The following SERGEF variants were observed in gnomAD, a reference collection of about 807,000 sequenced individuals.
SERGEF encodes the protein secretion-regulating guanine nucleotide exchange factor.
In SERGEF, 51 loss-of-function variants were observed where a neutral mutation model predicts 50.0. The ratio of observed to expected loss-of-function variants is 1.02; its 90% CI spans 0.81 to 1.29. The LOEUF is 1.29. Among genes scored for constraint, SERGEF ranks in the 50% most tolerant of loss-of-function variants. The probability of loss-of-function intolerance (pLI) is 0.00; values close to 1 mark genes in which losing one functional copy is unlikely to be tolerated. For missense variants in SERGEF, 521 were observed against 557.0 expected (o/e 0.94, Z 0.65); for synonymous variants, 205 against 212.4 (o/e 0.97, Z 0.30).
chr11:17,795,316 A>G (rs1397335920), intron 10 of SERGEF, among the ~76,000 whole-genome samples: 6 of 152,146 alleles, frequency 3.9e-5, no homozygotes, highest in Non-Finnish European at 8.8e-5. Flanking sequence ...TCCTGCTGTG[A>G]GCAAGGAATG....
At chr11:17,942,232 C>G (rs1441842552) in intron 9 of SERGEF, among the ~76,000 whole-genome samples, 2 of 152,150 alleles carry the variant, frequency 1.3e-5, no homozygotes, top group East Asian at 3.8e-4. Flanking sequence ...ATTGAGTTTT[C>G]CAATCTGTGA....
chr11:17,981,102 T>C (rs1167951358), intron 8 of SERGEF, among the ~76,000 whole-genome samples: 6 of 152,220 alleles, frequency 3.9e-5, no homozygotes, highest in African/African-American at 9.6e-5. Context: ...CTCCTTCCCC[T>C]GAAATCCTAG....
chr11:18,011,951 T>G (rs771478569), intron 1 of SERGEF, among the ~76,000 whole-genome samples: 1 of 152,176 alleles, frequency 6.6e-6, no homozygotes, highest in African/African-American at 2.4e-5. Context: ...ATTGGACAAC[T>G]AATACTGATT....
At chr11:17,854,279 T>G (rs1396584013) in intron 10 of SERGEF, among the ~76,000 whole-genome samples, 7 of 152,114 alleles carry the variant, frequency 4.6e-5, no homozygotes, top group African/African-American at 1.7e-4. Context: ...GAGCTGAAAG[T>G]TTTCATTCCA....
At chr11:18,001,529 T>C (rs1853961762) in intron 4 of SERGEF, among the ~76,000 whole-genome samples, 1 of 152,206 alleles carries the variant, frequency 6.6e-6, no homozygotes, top group African/African-American at 2.4e-5. Context: ...TTTGTTTATT[T>C]ACAGGTCCAC....
rs1854235014 is a variant in SERGEF, at chr11:18,013,016, G to A, written c.-6C>T. 1 of 1,381,664 alleles carries A rather than the reference G, an allele frequency of 7.2e-7. No individual in the cohort carries two copies. Among genetic ancestry groups the A allele is most frequent in the South Asian group, 1.7e-5 (1 of 60,078 alleles). 85.6% of individuals were successfully genotyped at this position (1,381,664 alleles called of 1,614,324 possible). On this transcript the variant is annotated 5_prime_UTR_variant, in exon 1 of 11. Transcript: ENST00000265965. The surrounding 1 kb of genome is among the most constrained non-coding windows in gnomAD (Gnocchi z 4.3). ...GCGCTGGGCTCGCGCTCCATGCGAG[G>A]ACGCTCCGCCGGCGCTTCCGGGAGG...
intron 9 of SERGEF, among the ~76,000 whole-genome samples, chr11:17,954,141 G>A (rs747238634): frequency 1.8e-4 from 28 of 152,198 alleles, no homozygotes; most frequent in Non-Finnish European, 3.4e-4. Flanking sequence ...CAATGATGCT[G>A]TGGGTACTTA....
At chr11:17,854,613 C>T (rs1447500958) in intron 10 of SERGEF, among the ~76,000 whole-genome samples, 2 of 152,170 alleles carry the variant, frequency 1.3e-5, no homozygotes, top group East Asian at 3.8e-4. Context: ...GACAGTTTGC[C>T]CTGTGGATTT....
chr11:17,798,112 C>T (rs1365361308), intron 10 of SERGEF, among the ~76,000 whole-genome samples: 1 of 152,170 alleles, frequency 6.6e-6, no homozygotes, highest in Non-Finnish European at 1.5e-5. Context: ...AAAAGAAAGG[C>T]CTTGGCTCAA....
intron 8 of SERGEF, among the ~76,000 whole-genome samples, chr11:17,971,841 G>A (rs1234119772): frequency 6.6e-6 from 1 of 152,212 alleles, no homozygotes; most frequent in Non-Finnish European, 1.5e-5. Flanking sequence ...ATTCTGGAAA[G>A]GATTCATCAT....
At chr11:18,007,690 T>C (rs1854106953) in intron 2 of SERGEF, among the ~76,000 whole-genome samples, 1 of 152,186 alleles carries the variant, frequency 6.6e-6, no homozygotes, top group Non-Finnish European at 1.5e-5. Context: ...GCAATCAGTG[T>C]TCCTTTCTGA....
intron 10 of SERGEF, among the ~76,000 whole-genome samples, chr11:17,791,980 CT>C (rs1186936494): frequency 6.6e-6 from 1 of 152,108 alleles, no homozygotes; most frequent in Non-Finnish European, 1.5e-5. Flanking sequence ...TGTTTTCAGT[CT>C]TTTGATAAGT....
chr11:17,985,893 T>C (rs1853584074), intron 8 of SERGEF, among the ~76,000 whole-genome samples: 1 of 152,216 alleles, frequency 6.6e-6, no homozygotes, highest in Non-Finnish European at 1.5e-5. Context: ...TGAAGCTAGA[T>C]ACTTCTTTGT....
chr11:17,863,873 A>G (rs1254472937), intron 10 of SERGEF, among the ~76,000 whole-genome samples: 1 of 152,228 alleles, frequency 6.6e-6, no homozygotes, highest in African/African-American at 2.4e-5. Context: ...TGGCAAGTAT[A>G]GATGGTCTGA....
chr11:17,822,099 G>A (rs563093428), intron 10 of SERGEF, among the ~76,000 whole-genome samples: 1 of 152,304 alleles, frequency 6.6e-6, no homozygotes, highest in African/African-American at 2.4e-5. Flanking sequence ...GAATGGTATT[G>A]TTTAATTAAA....
At chr11:17,855,504 AT>A (rs2133876686) in intron 10 of SERGEF, 1 of 152,184 alleles carries the variant, frequency 6.6e-6, no homozygotes, top group African/African-American at 2.4e-5. Flanking sequence ...AACTATATAT[AT>A]TTGCTATTTT....
At chr11:18,000,687 C>T (rs1590244744) in intron 4 of SERGEF, 130 bp from the exon 5 acceptor site, 13 of 732,836 alleles carry the variant, frequency 1.8e-5, no homozygotes, top group Non-Finnish European at 2.3e-5. Flanking sequence ...CCACTCCCCC[C>T]AATATTTCCA....
chr11:17,989,139 A>T (rs954700050), intron 7 of SERGEF, among the ~76,000 whole-genome samples: 2 of 152,208 alleles, frequency 1.3e-5, no homozygotes, highest in Non-Finnish European at 2.9e-5. Context: ...AAATTTTCAA[A>T]ATAACAGGTT....
At chr11:17,832,127 G>C (rs964342327) in intron 10 of SERGEF, among the ~76,000 whole-genome samples, 1 of 152,206 alleles carries the variant, frequency 6.6e-6, no homozygotes, top group Non-Finnish European at 1.5e-5. Flanking sequence ...TTATGTGTGA[G>C]ATGGCGATAT....
Sources: allele counts gnomAD v4.1 joint callset (sites outside exome capture counted in the v4.1 genomes callset), GRCh38; gene constraint gnomAD v4.1.1; non-coding constraint Gnocchi (gnomAD v3.1); transcripts MANE v1.5; gene names NCBI Gene and HGNC (gene_info 2026-07-23, HGNC 2026-07-21).